KIAA1217: variants seen among roughly 807,000 people sequenced by gnomAD.
KIAA1217 encodes sickle tail protein homolog.
KIAA1217 carries 88 observed loss-of-function variants against 163.9 expected under a neutral mutation model. That is an observed-to-expected ratio of 0.54 (90% CI 0.45 to 0.64). The LOEUF is 0.64. Ranked by LOEUF, KIAA1217 falls within the 30% of genes least tolerant of loss-of-function variation. The pLI, the probability that KIAA1217 is intolerant of heterozygous loss-of-function variation, is 0.00. For missense variants in KIAA1217, 2,372 were observed against 2,475.0 expected, an observed-to-expected ratio of 0.96 and a Z score of 0.88; for synonymous variants, 903 against 923.1, an observed-to-expected ratio of 0.98 and a Z score of 0.39.
chr10:24,261,624 T>C (rs1256552432), intron 2 of KIAA1217, among the ~76,000 whole-genome samples: 1 of 152,160 alleles, frequency 6.6e-6, no homozygotes, highest in East Asian at 1.9e-4. Flanking sequence ...TGACTGCTTC[T>C]ATCCCAGTCT....
chr10:24,464,897 C>T (rs1207500248), intron 5 of KIAA1217, among the ~76,000 whole-genome samples: 1 of 152,160 alleles, frequency 6.6e-6, no homozygotes, highest in East Asian at 1.9e-4. Context: ...GCCCCAGACC[C>T]TTCACATACA....
At chr10:23,998,939 A>G (rs1846620377) in intron 1 of KIAA1217, among the ~76,000 whole-genome samples, 1 of 152,202 alleles carries the variant, frequency 6.6e-6, no homozygotes, top group Non-Finnish European at 1.5e-5. Flanking sequence ...AGGCATTGTA[A>G]AAGTTACAGC....
intron 2 of KIAA1217, among the ~76,000 whole-genome samples, chr10:24,026,742 A>ATTTTTTTTTTTTTTTTTTTTTTTTTT: frequency 2.9e-5 from 2 of 70,092 alleles, no homozygotes; most frequent in African/African-American, 5.9e-5. Context: ...TATTTCATTG[A>ATTTTTTTTTTTTTTTTTTTTTTTTTT]TTTTTTTTTT....
intron 1 of KIAA1217, among the ~76,000 whole-genome samples, chr10:23,724,725 A>C (rs1838042886): frequency 6.6e-6 from 1 of 152,224 alleles, no homozygotes. Context: ...CAATCTCTTT[A>C]AGCCGTTCTG....
chr10:24,101,724 A>G (rs1407942268), intron 2 of KIAA1217, among the ~76,000 whole-genome samples: 2 of 152,142 alleles, frequency 1.3e-5, no homozygotes, highest in Admixed American at 1.3e-4. Context: ...ATAATTTCAT[A>G]ATGTTTAGCC....
At chr10:23,785,213 C>T (rs1011718622) in intron 1 of KIAA1217, among the ~76,000 whole-genome samples, 24 of 152,236 alleles carry the variant, frequency 1.6e-4, no homozygotes, top group African/African-American at 5.5e-4. Flanking sequence ...CCAGCTACAC[C>T]CAGAAGTTCC....
chr10:23,774,574 A>C (rs1411330833), intron 1 of KIAA1217, among the ~76,000 whole-genome samples: 1 of 152,186 alleles, frequency 6.6e-6, no homozygotes. Context: ...ATGGAAATGC[A>C]TGGTAGATGT....
intron 1 of KIAA1217, among the ~76,000 whole-genome samples, chr10:24,214,399 C>T (rs1213732716): frequency 6.6e-6 from 1 of 152,148 alleles, no homozygotes; most frequent in Non-Finnish European, 1.5e-5. Flanking sequence ...GTCACTATGG[C>T]ATCCCCCACG....
rs1554918365 is a variant in KIAA1217 at position 24,511,172 on chromosome 10, A to AAAAAAAAAAG, written c.2002-2086_2002-2085insAAAAAAAAGA. On this transcript the variant is annotated intron_variant, in intron 9 of 20. Transcript: ENST00000376454. The stretch of plus-strand genomic sequence containing the variant: ...TGTCTCAAAAAAAAAAAAAAAAAAA[A>AAAAAAAAAAG]AGGAGCCTGGCCCCTATGAAGAACT... Among the ~76,000 whole-genome samples the AAAAAAAAAAG allele has an allele frequency of 1.8e-3, 204 of 115,654 alleles. 21 individuals are homozygous for AAAAAAAAAAG. The highest frequency in any genetic ancestry group is 4.9e-3 in the Middle Eastern group (1 of 206). 75.9% of individuals were successfully genotyped at this position (115,654 alleles called of 152,430 possible).
chr10:24,397,435 T>A (rs769739134), intron 3 of KIAA1217, among the ~76,000 whole-genome samples: 16 of 152,144 alleles, frequency 1.1e-4, no homozygotes, highest in Non-Finnish European at 2.2e-4. Flanking sequence ...ATCACCATAG[T>A]AGCTAACATT....
chr10:23,833,075 C>T (rs750957524), intron 1 of KIAA1217, among the ~76,000 whole-genome samples: 24 of 152,194 alleles, frequency 1.6e-4, no homozygotes, highest in Admixed American at 2.6e-4. Context: ...CATATCAATA[C>T]TTAAATCTAT....
At chr10:23,929,347 G>A (rs574006284) in intron 1 of KIAA1217, among the ~76,000 whole-genome samples, 1 of 152,100 alleles carries the variant, frequency 6.6e-6, no homozygotes, top group African/African-American at 2.4e-5. Flanking sequence ...GACTAAGGGG[G>A]CACATGTGCA....
chr10:24,239,452 C>G (rs2072745956), intron 2 of KIAA1217: 1 of 262,008 alleles, frequency 3.8e-6, no homozygotes, highest in African/African-American at 2.3e-5. Flanking sequence ...ATAAGCCCAG[C>G]TTTCCCATAG....
chr10:24,279,997 C>G (rs1177656769), intron 2 of KIAA1217, among the ~76,000 whole-genome samples: 1 of 152,198 alleles, frequency 6.6e-6, no homozygotes, highest in Non-Finnish European at 1.5e-5. Flanking sequence ...AAATAACTCT[C>G]TGAAATAAAA....
At chr10:24,114,763 T>C (rs1405033624) in intron 2 of KIAA1217, among the ~76,000 whole-genome samples, 1 of 152,218 alleles carries the variant, frequency 6.6e-6, no homozygotes, top group Non-Finnish European at 1.5e-5. Context: ...ATTATTTCCA[T>C]AGTTTTGCCT....
At chr10:23,898,320 CACA>C (rs1244292751) in intron 1 of KIAA1217, among the ~76,000 whole-genome samples, 1 of 151,684 alleles carries the variant, frequency 6.6e-6, no homozygotes, top group African/African-American at 2.4e-5. Flanking sequence ...CACACACACA[CACA>C]CACATATATA....
chr10:24,312,098 G>A (rs1256384385), intron 2 of KIAA1217, among the ~76,000 whole-genome samples: 1 of 152,250 alleles, frequency 6.6e-6, no homozygotes, highest in African/African-American at 2.4e-5. Context: ...TAGGATCTGG[G>A]CTTCCTCCTT....
intron 2 of KIAA1217, among the ~76,000 whole-genome samples, chr10:24,071,495 T>A (rs573445751): frequency 2.7e-5 from 4 of 149,320 alleles, no homozygotes; most frequent in Non-Finnish European, 4.5e-5. Context: ...AGGGTTAATT[T>A]AAAAAAAAAA....
At chr10:24,355,163 C>G (rs1332802294) in intron 2 of KIAA1217, among the ~76,000 whole-genome samples, 1 of 152,152 alleles carries the variant, frequency 6.6e-6, no homozygotes, top group African/African-American at 2.4e-5. Context: ...AACTCAGTCC[C>G]TGGAGCTTGG....
Sources: allele counts gnomAD v4.1 joint callset (sites outside exome capture counted in the v4.1 genomes callset), GRCh38; gene constraint gnomAD v4.1.1; transcripts MANE v1.5; gene names NCBI Gene and HGNC (gene_info 2026-07-23, HGNC 2026-07-21).